The following BCAS1 variants were observed in gnomAD, a reference collection of about 807,000 sequenced individuals.
BCAS1 encodes brain enriched myelin associated protein 1.
In BCAS1, 46 loss-of-function variants were observed where a neutral mutation model predicts 65.4. The observed-to-expected ratio is 0.70, with a 90% CI of 0.55 to 0.90. The LOEUF is 0.90. Ranked by LOEUF, BCAS1 falls within the 40% of genes least tolerant of loss-of-function variation. The probability of loss-of-function intolerance (pLI) is 0.00; values close to 1 mark genes in which losing one functional copy is unlikely to be tolerated. For missense variants in BCAS1, 793 were observed against 771.2 expected, an observed-to-expected ratio of 1.03 and a Z score of -0.33; for synonymous variants, 298 against 293.5, an observed-to-expected ratio of 1.02 and a Z score of -0.16.
intron 4 of BCAS1, among the ~76,000 whole-genome samples, chr20:54,005,974 C>G (rs1391150132): frequency 6.6e-6 from 1 of 152,120 alleles, no homozygotes; most frequent in Non-Finnish European, 1.5e-5. Flanking sequence ...AATTTGGAGT[C>G]AGACTGAGGA....
intron 12 of BCAS1, among the ~76,000 whole-genome samples, chr20:53,946,598 G>C (rs1274399322): frequency 6.6e-6 from 1 of 150,726 alleles, no homozygotes; most frequent in Non-Finnish European, 1.5e-5. Flanking sequence ...ATAGTATAGT[G>C]TAGTATAAGG....
intron 3 of BCAS1, among the ~76,000 whole-genome samples, chr20:54,038,402 T>C (rs2091934828): frequency 6.6e-6 from 1 of 151,312 alleles, no homozygotes; most frequent in Non-Finnish European, 1.5e-5. Context: ...GGACCCGGAC[T>C]TGGTCTGCTC....
intron 7 of BCAS1, among the ~76,000 whole-genome samples, chr20:53,987,167 T>G (rs1159496639): frequency 6.6e-6 from 1 of 152,212 alleles, no homozygotes; most frequent in Non-Finnish European, 1.5e-5. Flanking sequence ...ACATCTTCTT[T>G]GCTGAAATTT....
intron 1 of BCAS1, among the ~76,000 whole-genome samples, chr20:54,062,666 G>GTAGGAGAGAAGAT: frequency 6.6e-6 from 1 of 152,234 alleles, no homozygotes; most frequent in African/African-American, 2.4e-5. Flanking sequence ...GTGTACAGAA[G>GTAGGAGAGAAGAT]TAGGAGAGAA....
intron 8 of BCAS1, among the ~76,000 whole-genome samples, chr20:53,983,867 C>T (rs73622292): frequency 1.3e-5 from 2 of 152,292 alleles, no homozygotes; most frequent in East Asian, 1.9e-4. Context: ...TCTGAAGGCT[C>T]TCTGTACCTA....
At chr20:53,987,876 A>C (rs954451760) in intron 7 of BCAS1, among the ~76,000 whole-genome samples, 1 of 152,174 alleles carries the variant, frequency 6.6e-6, no homozygotes, top group African/African-American at 2.4e-5. Context: ...ACAGGGAACA[A>C]CTGCCCTAAG....
At position 53,990,641 on chromosome 20, in the gene BCAS1, G is replaced by T. The variant is rs6022898; in HGVS notation, c.1062+1871C>A. 5.9e-5 allele frequency among the ~76,000 whole-genome samples: 9 copies of T among 152,260 alleles called. 1 individual carries two copies. The highest frequency in any genetic ancestry group is 1.9e-4 in the African/African-American group (8 of 41,554). ...TAAAATCATGATAATGTCACTGAGA[G>T]AATCTGGCTGGTTATTTAAAGGCCC... is the stretch of plus-strand genomic sequence containing the variant. On this transcript the variant is annotated intron_variant, in intron 7 of 12. Transcript: ENST00000688948.
intron 1 of BCAS1, among the ~76,000 whole-genome samples, chr20:54,064,309 G>GAGTC (rs1267052686): frequency 6.6e-6 from 1 of 152,210 alleles, no homozygotes; most frequent in African/African-American, 2.4e-5. Flanking sequence ...GTGAGTGAGT[G>GAGTC]AGTGTCTCCT....
chr20:53,957,953 C>T (rs1480258440), intron 10 of BCAS1, among the ~76,000 whole-genome samples: 1 of 151,636 alleles, frequency 6.6e-6, no homozygotes, highest in Non-Finnish European at 1.5e-5. Context: ...CCCTTTAGCA[C>T]CCCCTATAGC....
chr20:53,966,366 G>A (rs2145622747), intron 10 of BCAS1, among the ~76,000 whole-genome samples: 1 of 152,308 alleles, frequency 6.6e-6, no homozygotes, highest in African/African-American at 2.4e-5. Context: ...TCTAAGTGAA[G>A]TAACTCAGGA....
At chr20:53,960,113 A>G (rs1258923179) in intron 10 of BCAS1, among the ~76,000 whole-genome samples, 1 of 152,208 alleles carries the variant, frequency 6.6e-6, no homozygotes, top group Admixed American at 6.5e-5. Context: ...AATGTTGAGC[A>G]GCAAAAAACA....
chr20:53,953,436 C>T lies in BCAS1; in HGVS notation c.1811G>A (p.Gly604Asp). 1 of 1,613,872 alleles carries T rather than the reference C, an allele frequency of 6.2e-7. No individual in the cohort carries two copies. The highest frequency in any genetic ancestry group is 8.5e-7 in the Non-Finnish European group (1 of 1,179,976). ...AGGCAAAAAAAATCCACCTACCAGG[C>T]CTTTAAAGAAGCCCCCAAGGGACTG... Reference protein sequence around the residue: ...RQQSLGGFFKGLGPKRMLDAQ... With the variant: ...RQQSLGGFFKDLGPKRMLDAQ... The change falls in exon 12 of 13, where the codon GGC (glycine) becomes GAC (aspartate). Residue 604 changes from glycine to aspartate, a missense_variant. Coordinates refer to ENST00000688948, the MANE Select transcript of BCAS1 (RefSeq NM_001366298.2).
chr20:53,990,546 A>G (rs2090729700), intron 7 of BCAS1, among the ~76,000 whole-genome samples: 1 of 152,106 alleles, frequency 6.6e-6, no homozygotes, highest in African/African-American at 2.4e-5. Context: ...TTATCCTTCA[A>G]TTTGCTTGAA....
chr20:54,069,515 C>G (rs2092488366), intron 1 of BCAS1, among the ~76,000 whole-genome samples: 1 of 152,152 alleles, frequency 6.6e-6, no homozygotes. Flanking sequence ...TCATCCCAGG[C>G]CCGACTGGAC....
chr20:53,973,695 C>T (rs904174551), intron 9 of BCAS1, among the ~76,000 whole-genome samples: 8 of 152,024 alleles, frequency 5.3e-5, no homozygotes, highest in South Asian at 2.1e-4. Context: ...TTGTAGGTTG[C>T]GGGAATAGAA....
In BCAS1 at chr20:54,058,649, G is replaced by C. The variant is rs394732; in HGVS notation, c.70C>G (p.Gln24Glu). ...CCCTGTAATGGTTACTACACTACCT[G>C]GTAAGTCTCTGCTTCTGGTTCATTC... ...QENEPEAETY[Q>E]DNASALNGVP... The change falls in exon 2 of 13, where the codon CAG becomes GAG. Residue 24 changes from glutamine (Q) to glutamate (E), a missense_variant and splice_region_variant. By Grantham distance (29) the Gln-to-Glu change is conservative. Coordinates refer to ENST00000688948, the MANE Select transcript of BCAS1 (RefSeq NM_001366298.2). 23 of 1,595,330 alleles carry C rather than the reference G, an allele frequency of 1.4e-5. 1 individual carries two copies. The African/African-American group carries it at 2.7e-4, about 19-fold the overall frequency.
intron 3 of BCAS1, among the ~76,000 whole-genome samples, chr20:54,037,572 ATTT>A (rs1313645736): frequency 6.6e-6 from 1 of 151,596 alleles, no homozygotes; most frequent in Non-Finnish European, 1.5e-5. Flanking sequence ...ACATTTGTTT[ATTT>A]ATTATTTATT....
chr20:54,066,695 A>T (rs973045459), intron 1 of BCAS1, among the ~76,000 whole-genome samples: 1 of 152,236 alleles, frequency 6.6e-6, no homozygotes, highest in Non-Finnish European at 1.5e-5. Flanking sequence ...AGCCAGAAAG[A>T]GTGGTCTCAC....
intron 3 of BCAS1, among the ~76,000 whole-genome samples, chr20:54,037,415 G>A (rs549167054): frequency 1.3e-5 from 2 of 151,506 alleles, no homozygotes; most frequent in South Asian, 4.2e-4. Context: ...GACACGTGGG[G>A]ATTATGGGGA....
Sources: gnomAD v4.1 joint callset for allele counts (sites outside exome capture counted in the v4.1 genomes callset) on GRCh38, gnomAD v4.1.1 for gene constraint, MANE v1.5 for transcripts, NCBI Gene and HGNC (gene_info 2026-07-23, HGNC 2026-07-21) for gene names.